Variants in NLGN1 observed in about 807,000 individuals in gnomAD.
The protein encoded by NLGN1 is neuroligin 1.
In NLGN1, 12 loss-of-function variants were observed where a neutral mutation model predicts 65.5. The observed-to-expected ratio is 0.18, with a 90% confidence interval of 0.12 to 0.30. NLGN1 has a LOEUF of 0.30. Ranked by LOEUF, NLGN1 falls within the 10% of genes least tolerant of loss-of-function variation. The pLI, the probability that NLGN1 is intolerant of heterozygous loss-of-function variation, is 1.00. For synonymous variants in NLGN1, 350 were observed against 359.5 expected (o/e 0.97, Z 0.30); for missense variants, 750 against 1,007.1 (o/e 0.74, Z 3.46).
rs562269207 is a variant in NLGN1, at chr3:174,035,933, G to A, written c.646+228101G>A. On this transcript the variant is annotated intron_variant, in intron 4 of 6. Coordinates refer to ENST00000457714, the Ensembl canonical transcript of NLGN1. ...TTCCAAGTTACATGACCTTCTGCAC[G>A]ACCAACCTTATACATTCTGCATTTA... Among the ~76,000 whole-genome samples the A allele has an allele frequency of 5.9e-5, 9 of 152,086 alleles. No individual in the cohort carries two copies. In the South Asian group the frequency reaches 6.2e-4, roughly 11 times the overall value.
intron 4 of NLGN1, among the ~76,000 whole-genome samples, chr3:174,030,597 A>T (rs1579879152): frequency 6.6e-6 from 1 of 152,324 alleles, no homozygotes; most frequent in East Asian, 1.9e-4. Flanking sequence ...CTGGTTAAAG[A>T]TGACAGATTG....
At chr3:174,114,581 A>T (rs28473362) in intron 4 of NLGN1, among the ~76,000 whole-genome samples, 7,690 of 152,220 alleles carry the variant, frequency 0.051, 240 homozygotes, top group South Asian at 0.07. Flanking sequence ...TACAACAAAA[A>T]GGTAGCCATC....
intron 2 of NLGN1, among the ~76,000 whole-genome samples, chr3:173,551,454 A>G (rs916346533): frequency 6.6e-6 from 1 of 152,160 alleles, no homozygotes. Context: ...AGCTGGAGCA[A>G]TTGTTTCATG....
At chr3:174,232,870 AT>A (rs1180346466) in intron 4 of NLGN1, among the ~76,000 whole-genome samples, 6 of 152,228 alleles carry the variant, frequency 3.9e-5, no homozygotes, top group African/African-American at 1.4e-4. Context: ...ACAAGCCTGC[AT>A]TAATGGAGAT....
intron 2 of NLGN1, among the ~76,000 whole-genome samples, chr3:173,539,753 A>C (rs1738381099): frequency 1.4e-5 from 1 of 69,782 alleles, no homozygotes; most frequent in Non-Finnish European, 2.6e-5. Flanking sequence ...TACATATATA[A>C]CATATACATG....
intron 3 of NLGN1, among the ~76,000 whole-genome samples, chr3:173,740,984 G>A (rs1427427510): frequency 6.6e-6 from 1 of 151,998 alleles, no homozygotes; most frequent in Non-Finnish European, 1.5e-5. Context: ...TATAAAACAC[G>A]CAAAGTATTA....
intron 2 of NLGN1, among the ~76,000 whole-genome samples, chr3:173,516,882 A>G (rs1340930538): frequency 6.6e-6 from 1 of 152,116 alleles, no homozygotes; most frequent in Non-Finnish European, 1.5e-5. Flanking sequence ...AGTAATATGA[A>G]TAATACAAAT....
intron 3 of NLGN1, among the ~76,000 whole-genome samples, chr3:173,667,115 TATG>T (rs1761808894): frequency 6.6e-6 from 1 of 152,150 alleles, no homozygotes; most frequent in Non-Finnish European, 1.5e-5. Flanking sequence ...TCTAAAGAAA[TATG>T]ATAATTTTCA....
intron 3 of NLGN1, among the ~76,000 whole-genome samples, chr3:173,638,399 A>T (rs200774377): frequency 6.8e-6 from 1 of 147,652 alleles, no homozygotes; most frequent in African/African-American, 2.4e-5. Flanking sequence ...AAAAAAAAAA[A>T]CCCAATAAAT....
exon 7 of NLGN1, chr3:174,286,496 T>C (rs1752132237): frequency 6.6e-6 from 1 of 151,568 alleles, no homozygotes; most frequent in African/African-American, 2.4e-5. Flanking sequence ...TTCTCTGCAT[T>C]CATATCATTT....
At position 173,422,146 on chromosome 3, in the gene NLGN1, T is replaced by TATACACACAC. The variant is rs398063034; in HGVS notation, c.-389-12863_-389-12862insTACACACACA. On this transcript the variant is annotated intron_variant, in intron 1 of 6. Coordinates refer to ENST00000457714, the Ensembl canonical transcript of NLGN1. ...TGTACTATATATAGTACACTATATA[T>TATACACACAC]ACACACACACACACACATACACACA... 9.1e-3 allele frequency among the ~76,000 whole-genome samples: 1,189 copies of TATACACACAC among 130,306 alleles called. 24 individuals are homozygous for TATACACACAC. Among genetic ancestry groups the TATACACACAC allele is most frequent in the African/African-American group, 0.031 (1,117 of 35,700 alleles). 85.5% of individuals were successfully genotyped at this position (130,306 alleles called of 152,430 possible).
chr3:174,077,115 T>C (rs962049521), intron 4 of NLGN1, among the ~76,000 whole-genome samples: 2 of 152,068 alleles, frequency 1.3e-5, no homozygotes, highest in Non-Finnish European at 2.9e-5. Flanking sequence ...TACATGCATA[T>C]TTTCCTACTA....
chr3:173,864,782 C>T (rs1316328636), intron 4 of NLGN1, among the ~76,000 whole-genome samples: 1 of 152,166 alleles, frequency 6.6e-6, no homozygotes, highest in East Asian at 1.9e-4. Context: ...ATATGCATCT[C>T]CTTACCCACA....
chr3:174,071,988 G>A (rs1355692656), intron 4 of NLGN1, among the ~76,000 whole-genome samples: 3 of 152,128 alleles, frequency 2.0e-5, no homozygotes, highest in Non-Finnish European at 4.4e-5. Context: ...ATTTCAGAGG[G>A]CAGAGATTAG....
intron 4 of NLGN1, among the ~76,000 whole-genome samples, chr3:174,164,732 T>C (rs1454423898): frequency 2.0e-5 from 3 of 152,136 alleles, no homozygotes. Context: ...CTTGTTTTTG[T>C]ACCAGTACCA....
intron 2 of NLGN1, among the ~76,000 whole-genome samples, chr3:173,463,099 A>G (rs1198927610): frequency 1.9e-4 from 29 of 152,218 alleles, no homozygotes; most frequent in Admixed American, 1.9e-3. Flanking sequence ...AGCTCTGAGA[A>G]TAAATCATTT....
At chr3:174,276,226 T>G (rs915432155) in intron 5 of NLGN1, among the ~76,000 whole-genome samples, 1 of 151,916 alleles carries the variant, frequency 6.6e-6, no homozygotes, top group African/African-American at 2.4e-5. Flanking sequence ...CGTTTCCATT[T>G]TCTGGCTTTG....
At position 174,072,064 on chromosome 3, in the gene NLGN1, G is replaced by C. The variant is rs570351423; in HGVS notation, c.647-203251G>C. 3.3e-5 allele frequency among the ~76,000 whole-genome samples: 5 copies of C among 152,290 alleles called. No individual in the cohort carries two copies. The South Asian group carries it at 1.0e-3, about 32-fold the overall frequency. On this transcript the variant is annotated intron_variant, in intron 4 of 6. Coordinates refer to ENST00000457714, the Ensembl canonical transcript of NLGN1. ...TGGAAAAGATGCATAGTTGATAACA[G>C]AGAAGTAAAAGTAATTATGTTACCT...
intron 2 of NLGN1, among the ~76,000 whole-genome samples, chr3:173,565,546 G>T (rs1259523045): frequency 6.6e-6 from 1 of 151,986 alleles, no homozygotes. Flanking sequence ...CATAGGGGAG[G>T]GTAGGAATTA....
Sources: allele counts gnomAD v4.1 joint callset (sites outside exome capture counted in the v4.1 genomes callset), GRCh38; gene constraint gnomAD v4.1.1; transcripts MANE v1.5; gene names NCBI Gene and HGNC (gene_info 2026-07-23, HGNC 2026-07-21).